IL1RL1: variants seen among roughly 807,000 people sequenced by gnomAD.
The protein encoded by IL1RL1 is interleukin-1 receptor-like 1.
A neutral mutation model predicts 50.9 loss-of-function variants in IL1RL1; 32 were observed. The observed-to-expected ratio is 0.63, with a 90% CI of 0.47 to 0.84. The LOEUF (loss-of-function observed/expected upper bound fraction) is 0.84. Among genes scored for constraint, IL1RL1 ranks in the 40% least tolerant of loss-of-function variants. The pLI is 0.00. For missense variants in IL1RL1, 773 were observed against 662.9 expected, an observed-to-expected ratio of 1.17 and a Z score of -1.82; for synonymous variants, 275 against 236.0, an observed-to-expected ratio of 1.17 and a Z score of -1.51.
At chr2:102,345,359 T>C in intron 8 of IL1RL1, 2 of 985,444 alleles carry the variant, frequency 2.0e-6, no homozygotes, top group Non-Finnish European at 2.4e-6. Flanking sequence ...ACATCCTGTT[T>C]GCTATATGAA....
chr2:102,327,448 G>C (rs1414795859), intron 1 of IL1RL1, among the ~76,000 whole-genome samples: 1 of 151,952 alleles, frequency 6.6e-6, no homozygotes, highest in African/African-American at 2.4e-5. Flanking sequence ...AAAAGAACTA[G>C]AGAAGCAAGA....
chr2:102,340,913 GCACTTCTCCCTCCTC>G, intron 5 of IL1RL1, 85 bp downstream of exon 5: 1 of 1,056,364 alleles, frequency 9.5e-7, no homozygotes. Context: ...TGGGTTTCTT[GCACTTCTCCCTCCTC>G]CCTTTACTTC....
At chr2:102,345,380 C>A (rs1218416560) in intron 8 of IL1RL1, 2 of 985,318 alleles carry the variant, frequency 2.0e-6, no homozygotes, top group Middle Eastern at 1.0e-3. Context: ...GCATTGTATC[C>A]CGTATAAAAG....
At chr2:102,348,982 C>G (rs1258442354) in intron 9 of IL1RL1, 97 bp from the exon 10 acceptor site, 3 of 889,692 alleles carry the variant, frequency 3.4e-6, no homozygotes, top group Non-Finnish European at 3.6e-6. Context: ...CATACATTCA[C>G]CAACAGCCAT....
intron 1 of IL1RL1, among the ~76,000 whole-genome samples, chr2:102,319,179 T>G (rs1234731832): frequency 6.6e-6 from 1 of 152,122 alleles, no homozygotes; most frequent in Non-Finnish European, 1.5e-5. Flanking sequence ...TCTTACACTT[T>G]TTTTTTTAAC....
At chr2:102,324,406 C>G (rs1297960825) in intron 1 of IL1RL1, among the ~76,000 whole-genome samples, 1 of 152,188 alleles carries the variant, frequency 6.6e-6, no homozygotes, top group Non-Finnish European at 1.5e-5. Context: ...CAGCTACAGT[C>G]TACAGCTCCC....
chr2:102,341,540 C>A (rs1677564993), intron 5 of IL1RL1, among the ~76,000 whole-genome samples: 1 of 152,074 alleles, frequency 6.6e-6, no homozygotes, highest in East Asian at 1.9e-4. Flanking sequence ...TTTTTCAGGG[C>A]AAAGCAATAT....
intron 8 of IL1RL1, chr2:102,344,886 T>A (rs923469066): frequency 1.0e-5 from 10 of 973,324 alleles, no homozygotes; most frequent in African/African-American, 5.3e-5. Context: ...CAGTTTTTTC[T>A]GAATCTAGCA....
rs150294315 is a variant in IL1RL1 at position 102,351,566 on chromosome 2, G to A, written c.1316G>A (p.Arg439Gln). 232 of 1,613,898 alleles carry A rather than the reference G, an allele frequency of 1.4e-4. 1 individual carries two copies. The highest frequency in any genetic ancestry group is 1.9e-4 in the Non-Finnish European group (222 of 1,179,948). Residue 439 changes from arginine (R) to glutamine (Q), a missense_variant, in exon 11 of 11, where the codon CGA becomes CAA. Transcript: ENST00000233954. Reference protein sequence around the residue: ...DVVTAVETNIRKSRRHIFILT... With the variant: ...DVVTAVETNIQKSRRHIFILT... ...GTCACTGCAGTGGAAACCAACATACGAAAGAGCAGGCGGCACATTTTCATC... is the reference window on the plus strand; with the variant it reads ...GTCACTGCAGTGGAAACCAACATACAAAAGAGCAGGCGGCACATTTTCATC...
chr2:102,333,672 G>A (rs935993415), intron 1 of IL1RL1, among the ~76,000 whole-genome samples: 27 of 152,068 alleles, frequency 1.8e-4, no homozygotes, highest in African/African-American at 6.3e-4. Flanking sequence ...CATTACTGGT[G>A]GGGACTGGTC....
At position 102,340,288 on chromosome 2, in the gene IL1RL1, G is replaced by T. The variant is rs1356966176; in HGVS notation, c.447+16G>T. On this transcript the variant is annotated intron_variant, in intron 4 of 10. Transcript: ENST00000233954. ...GTGGTTTAAGGTAAGAAGAAATTTG[G>T]AAGGAAATAGATGAAAATTACACAA... 6.4e-7 allele frequency: 1 copy of T among 1,569,516 alleles called. No individual in the cohort carries two copies. The highest frequency in any genetic ancestry group is 2.3e-5 in the East Asian group (1 of 43,586).
At chr2:102,314,704 A>G (rs1029182309) in intron 1 of IL1RL1, among the ~76,000 whole-genome samples, 3 of 152,226 alleles carry the variant, frequency 2.0e-5, no homozygotes, top group African/African-American at 7.2e-5. Context: ...GGGGTAAAAG[A>G]ATTTACTAAG....
chr2:102,324,735 C>T (rs964817840), intron 1 of IL1RL1, among the ~76,000 whole-genome samples: 1 of 152,186 alleles, frequency 6.6e-6, no homozygotes, highest in African/African-American at 2.4e-5. Flanking sequence ...GTCCTACACC[C>T]GTGGAGCCTC....
At chr2:102,352,105 T>C, downstream of IL1RL1, 1 of 582,420 alleles carries the variant, frequency 1.7e-6, no homozygotes, top group Non-Finnish European at 2.9e-6. Flanking sequence ...CCAGAAATTT[T>C]TCTCCTCAAT....
At chr2:102,341,511 C>T (rs1203049240) in intron 5 of IL1RL1, among the ~76,000 whole-genome samples, 1 of 152,110 alleles carries the variant, frequency 6.6e-6, no homozygotes, top group African/African-American at 2.4e-5. Context: ...GATGTAATAG[C>T]CCCTTTACGT....
intron 1 of IL1RL1, among the ~76,000 whole-genome samples, chr2:102,328,519 G>T (rs1025108429): frequency 6.6e-6 from 1 of 152,182 alleles, no homozygotes; most frequent in African/African-American, 2.4e-5. Context: ...AATCAGGCAG[G>T]AGAAGGAAAT....
intron 1 of IL1RL1, among the ~76,000 whole-genome samples, chr2:102,332,218 A>G (rs1677196095): frequency 6.6e-6 from 1 of 152,228 alleles, no homozygotes; most frequent in African/African-American, 2.4e-5. Context: ...AGAAAATAAT[A>G]AACATGATGC....
At chr2:102,322,314 G>T (rs1349813188) in intron 1 of IL1RL1, among the ~76,000 whole-genome samples, 2 of 152,160 alleles carry the variant, frequency 1.3e-5, no homozygotes, top group Non-Finnish European at 2.9e-5. Flanking sequence ...TCATGCTTTT[G>T]TGTTGCCTGT....
In IL1RL1 at chr2:102,339,197, A is replaced by C. The variant is rs909952236; in HGVS notation, c.272+150A>C. On this transcript the variant is annotated intron_variant, in intron 3 of 10. Coordinates refer to ENST00000233954, the MANE Select transcript of IL1RL1 (RefSeq NM_016232.5). ...GATTTGAATAAAAGTGATTTGGATA[A>C]ACTTCTAGGAATACTATCAGGTTGA... 33 of 613,688 alleles carry C rather than the reference A, an allele frequency of 5.4e-5. 1 individual carries two copies. In the African/African-American group the frequency reaches 5.9e-4, roughly 11 times the overall value. 38.0% of individuals were successfully genotyped at this position (613,688 alleles called of 1,614,324 possible). A position where few individuals can be genotyped will look rare whatever the true frequency, so the allele number is the denominator to read the frequency against.
Sources: allele counts gnomAD v4.1 joint callset (sites outside exome capture counted in the v4.1 genomes callset), GRCh38; gene constraint gnomAD v4.1.1; transcripts MANE v1.5; gene names NCBI Gene and HGNC (gene_info 2026-07-23, HGNC 2026-07-21).